BABAM2: variants seen among roughly 807,000 people sequenced by gnomAD.
The protein encoded by BABAM2 is BRISC and BRCA1 A complex member 2, also known as BRISC and BRCA1-A complex member 2.
BABAM2 carries 31 observed loss-of-function variants against 54.7 expected under a neutral mutation model. The observed-to-expected ratio is 0.57, with a 90% CI of 0.43 to 0.77. BABAM2 has a LOEUF of 0.77. Ranked by LOEUF, BABAM2 falls within the 30% of genes least tolerant of loss-of-function variation. The pLI, the probability that BABAM2 is intolerant of heterozygous loss-of-function variation, is 0.00. For missense variants in BABAM2, 364 were observed against 455.8 expected (o/e 0.80, Z 1.83); for synonymous variants, 167 against 162.9 (o/e 1.03, Z -0.19).
chr2:28,291,848 A>G (rs973985699), intron 10 of BABAM2, among the ~76,000 whole-genome samples: 1 of 152,244 alleles, frequency 6.6e-6, no homozygotes, highest in Non-Finnish European at 1.5e-5. Flanking sequence ...TGGAATCCAC[A>G]TGTCTCAAAG....
At chr2:28,305,741 T>G (rs1688462302) in intron 11 of BABAM2, among the ~76,000 whole-genome samples, 1 of 152,190 alleles carries the variant, frequency 6.6e-6, no homozygotes, top group Non-Finnish European at 1.5e-5. Flanking sequence ...GGTTTTTTAA[T>G]AAGAAATTGA....
At chr2:28,078,598 A>G (rs2148669480) in intron 6 of BABAM2, among the ~76,000 whole-genome samples, 1 of 152,290 alleles carries the variant, frequency 6.6e-6, no homozygotes, top group South Asian at 2.1e-4. Flanking sequence ...GTCTTGGAAC[A>G]TGTTTCCCAT....
chr2:27,943,944 G>A (rs1301691225), intron 3 of BABAM2, among the ~76,000 whole-genome samples: 4 of 151,954 alleles, frequency 2.6e-5, no homozygotes, highest in Non-Finnish European at 4.4e-5. Context: ...TGGAGTTTTA[G>A]AATATTTTAT....
rs768523774 is a variant in BABAM2, at chr2:27,929,878, C to T, written c.175C>T (p.His59Tyr). 6.2e-7 allele frequency: 1 copy of T among 1,613,516 alleles called. No homozygotes were observed. The highest frequency in any genetic ancestry group is 8.5e-7 in the Non-Finnish European group (1 of 1,179,466). Residue 59 changes from histidine (H) to tyrosine (Y), a missense_variant, in exon 3 of 12, where the codon CAC becomes TAC. Physicochemically the swap from His to Tyr is moderately conservative, Grantham distance 83. Coordinates refer to ENST00000379624, the MANE Select transcript of BABAM2 (RefSeq NM_199191.3). ...GCCCAACTGTGACCGATTTAAACTGCACATACCATATGCTGGAGAGACATT... is the reference window on the plus strand; with the variant it reads ...GCCCAACTGTGACCGATTTAAACTGTACATACCATATGCTGGAGAGACATT... ...PGPNCDRFKL[H>Y]IPYAGETLKW...
intron 5 of BABAM2, among the ~76,000 whole-genome samples, chr2:28,026,835 TATATATAA>T (rs1226706909): frequency 3.7e-5 from 2 of 54,346 alleles, no homozygotes; most frequent in African/African-American, 7.9e-5. Flanking sequence ...TATATATAAA[TATATATAA>T]ATATATATTT....
rs151183779 is a variant in BABAM2, at chr2:28,099,948, T to C, written c.571-29323T>C. 1.0e-3 allele frequency among the ~76,000 whole-genome samples: 153 copies of C among 152,300 alleles called. 1 individual carries two copies. Among genetic ancestry groups the C allele is most frequent in the African/African-American group, 3.5e-3 (145 of 41,556 alleles). On this transcript the variant is annotated intron_variant, in intron 6 of 11. Transcript: ENST00000379624. ...TTATAATGCCCTAATTAAAAAAAAA[T>C]TTCTAACGTATAGTCTTGATTTAAT...
intron 6 of BABAM2, among the ~76,000 whole-genome samples, chr2:28,049,396 A>C (rs1426694426): frequency 2.6e-5 from 4 of 152,184 alleles, no homozygotes; most frequent in Non-Finnish European, 5.9e-5. Flanking sequence ...ATGTAGGCTA[A>C]ATTGTTGGAG....
At chr2:28,112,420 A>C (rs977221092) in intron 6 of BABAM2, among the ~76,000 whole-genome samples, 4 of 151,120 alleles carry the variant, frequency 2.6e-5, no homozygotes, top group Admixed American at 6.6e-5. Context: ...ATGTGTTCTC[A>C]TTCTTCAACT....
chr2:28,168,374 A>G (rs1173793133), intron 7 of BABAM2, among the ~76,000 whole-genome samples: 2 of 152,220 alleles, frequency 1.3e-5, no homozygotes, highest in African/African-American at 4.8e-5. Context: ...TAGTATAATC[A>G]GAGGACATTT....
intron 3 of BABAM2, among the ~76,000 whole-genome samples, chr2:27,953,479 A>T (rs1669885257): frequency 6.6e-6 from 1 of 151,856 alleles, no homozygotes; most frequent in Non-Finnish European, 1.5e-5. Flanking sequence ...CACCGTAGTG[A>T]CAGAGTCTCT....
At chr2:28,323,321 T>C (rs1690186054) in intron 11 of BABAM2, among the ~76,000 whole-genome samples, 2 of 152,308 alleles carry the variant, frequency 1.3e-5, no homozygotes, top group Non-Finnish European at 1.5e-5. Context: ...AAAGGGGAGA[T>C]AGACGGCTCA....
intron 11 of BABAM2, among the ~76,000 whole-genome samples, chr2:28,324,669 C>T (rs992738405): frequency 3.3e-5 from 5 of 151,980 alleles, no homozygotes; most frequent in African/African-American, 1.2e-4. Flanking sequence ...GTAGTGCACT[C>T]CTGTAGTCCT....
intron 3 of BABAM2, among the ~76,000 whole-genome samples, chr2:27,954,392 C>T (rs1004387772): frequency 3.9e-5 from 6 of 152,210 alleles, no homozygotes; most frequent in African/African-American, 7.2e-5. Flanking sequence ...GGGAATGCTT[C>T]CTCCGGCCCT....
intron 4 of BABAM2, among the ~76,000 whole-genome samples, chr2:28,001,735 A>G (rs1673592138): frequency 1.3e-5 from 2 of 152,126 alleles, no homozygotes; most frequent in South Asian, 2.1e-4. Context: ...TCACATGGTG[A>G]GAGCAGGAGC....
rs1264843129 is a variant in BABAM2, at chr2:27,929,857, A to G, written c.154A>G (p.Asn52Asp). Residue 52 changes from asparagine to aspartate, a missense_variant, in exon 3 of 12, where the codon AAC (asparagine) becomes GAC (aspartate). Asn to Asp is a conservative substitution (Grantham distance 23, BLOSUM62 1). Coordinates refer to ENST00000379624, the MANE Select transcript of BABAM2 (RefSeq NM_199191.3). ...SGCTSLTPGP[N>D]CDRFKLHIPY... Reference sequence around the variant, plus strand: ...CTGCACATCATTGACTCCTGGGCCCAACTGTGACCGATTTAAACTGCACAT... The same window carrying G: ...CTGCACATCATTGACTCCTGGGCCCGACTGTGACCGATTTAAACTGCACAT... 3 of 1,613,792 alleles carry G rather than the reference A, an allele frequency of 1.9e-6. No homozygotes were observed. In the African/African-American group the frequency reaches 4.0e-5, roughly 22 times the overall value.
Position 28,244,767 on chromosome 2 carries a change from T to G in BABAM2, c.852-13T>G, listed in dbSNP as rs1307496433. 6 of 1,610,196 alleles carry G rather than the reference T, an allele frequency of 3.7e-6. No individual in the cohort carries two copies. The highest frequency in any genetic ancestry group is 2.2e-5 in the East Asian group (1 of 44,838). On this transcript the variant is annotated splice_polypyrimidine_tract_variant and intron_variant, in intron 9 of 11. Transcript: ENST00000379624. ...GTTTTTTTTGTTTGTGTGTGTATGT[T>G]TTTATTACTTAGAGGTGTCGTGGAA...
chr2:28,191,289 A>G (rs1244472706), intron 7 of BABAM2, among the ~76,000 whole-genome samples: 1 of 152,222 alleles, frequency 6.6e-6, no homozygotes, highest in Non-Finnish European at 1.5e-5. Context: ...TGGAACTTTT[A>G]TGGAAATATA....
At chr2:28,038,273 C>A (rs1009527537) in intron 5 of BABAM2, among the ~76,000 whole-genome samples, 2 of 152,144 alleles carry the variant, frequency 1.3e-5, no homozygotes, top group African/African-American at 4.8e-5. Flanking sequence ...AAAAAAAATT[C>A]CCTCCAAGTA....
rs1674810480 is a variant in BABAM2, at chr2:28,016,307, A to G, written c.301-8919A>G. On this transcript the variant is annotated intron_variant, in intron 4 of 11. Coordinates refer to ENST00000379624, the MANE Select transcript of BABAM2 (RefSeq NM_199191.3). ...CTCATTCATTTTTTCTTCACATTCA[A>G]CCAAACTCTTGGAGCCTTTCTTTTT... 3.9e-6 allele frequency: 4 copies of G among 1,037,408 alleles called. No individual in the cohort carries two copies. The South Asian group carries it at 3.9e-5, about 10-fold the overall frequency. 64.3% of individuals were successfully genotyped at this position (1,037,408 alleles called of 1,614,324 possible).
Sources: allele counts gnomAD v4.1 joint callset (sites outside exome capture counted in the v4.1 genomes callset), GRCh38; gene constraint gnomAD v4.1.1; transcripts MANE v1.5; gene names NCBI Gene and HGNC (gene_info 2026-07-23, HGNC 2026-07-21).